The following SGCG variants were observed in gnomAD, a reference collection of about 807,000 sequenced individuals.
SGCG encodes sarcoglycan gamma, also known as gamma-sarcoglycan.
Under a neutral mutation model 29.3 loss-of-function variants are expected in SGCG, and 26 were observed. The observed-to-expected ratio is 0.89, with a 90% CI of 0.65 to 1.23. The LOEUF (loss-of-function observed/expected upper bound fraction) is 1.23, where lower values mean the gene tolerates loss of function less well. Ranked by LOEUF, SGCG falls within the 50% of genes most tolerant of loss-of-function variation. The probability of loss-of-function intolerance (pLI) is 0.00; values close to 1 mark genes in which losing one functional copy is unlikely to be tolerated. For synonymous variants in SGCG, 145 were observed against 129.7 expected (o/e 1.12, Z -0.80); for missense variants, 353 against 356.0 (o/e 0.99, Z 0.07).
In SGCG at chr13:23,279,381, G is replaced by A. The variant is rs1881214921; in HGVS notation, c.408G>A (p.Gln136=). The A allele has an allele frequency of 6.2e-7, 1 of 1,612,970 alleles. No individual in the cohort carries two copies. The highest frequency in any genetic ancestry group is 1.1e-5 in the South Asian group (1 of 91,034). ...CAGGTCCCAAAATGGTAGAAGTCCA[G>A]AATCAACAGTTTCAGATCAACTCCA... The part of the protein sequence containing the change: ...LKVGPKMVEV[Q]NQQFQINSND... Residue 136 remains glutamine (Q), a synonymous_variant, in exon 5 of 8, where the codon CAG becomes CAA. Coordinates refer to ENST00000218867, the MANE Select transcript of SGCG (RefSeq NM_000231.3).
chr13:23,293,848 A>G (rs930083290), intron 5 of SGCG, among the ~76,000 whole-genome samples: 1 of 140,566 alleles, frequency 7.1e-6, no homozygotes, highest in Non-Finnish European at 1.6e-5. Flanking sequence ...AAAAAAAAAA[A>G]TTAGTAAGGG....
intron 2 of SGCG, among the ~76,000 whole-genome samples, chr13:23,224,902 C>T (rs1294770664): frequency 6.6e-6 from 1 of 152,008 alleles, no homozygotes; most frequent in Admixed American, 6.6e-5. Flanking sequence ...TCTTACAGCT[C>T]TCCAGGTGCT....
chr13:23,308,652 C>G (rs539550906), intron 6 of SGCG, among the ~76,000 whole-genome samples: 1 of 152,096 alleles, frequency 6.6e-6, no homozygotes, highest in Admixed American at 6.6e-5. Flanking sequence ...GCAGCCTCCA[C>G]CTCCTGGGTT....
chr13:23,314,937 AAGGCTGCCAGTTTTTAGTG>A (rs1419589694), intron 6 of SGCG, among the ~76,000 whole-genome samples: 2 of 152,134 alleles, frequency 1.3e-5, no homozygotes, highest in Non-Finnish European at 2.9e-5. Context: ...AGTGACCCAA[AAGGCTGCCAGTTTTTAGTG>A]AGGTCCAGAA....
intron 4 of SGCG, among the ~76,000 whole-genome samples, chr13:23,276,715 G>A (rs1593214159): frequency 2.6e-5 from 4 of 152,290 alleles, no homozygotes; most frequent in East Asian, 3.9e-4. Flanking sequence ...GATTACAGGC[G>A]TAAGCCACCG....
intron 4 of SGCG, among the ~76,000 whole-genome samples, chr13:23,254,120 T>A (rs1365998945): frequency 6.6e-6 from 1 of 152,048 alleles, no homozygotes; most frequent in Non-Finnish European, 1.5e-5. Context: ...TACCTGAAGG[T>A]GTGGAAGCAG....
At chr13:23,275,969 C>A (rs898579579) in intron 4 of SGCG, among the ~76,000 whole-genome samples, 3 of 152,092 alleles carry the variant, frequency 2.0e-5, no homozygotes, top group Admixed American at 2.0e-4. Context: ...ATGGTATTTT[C>A]ACCAGAAAAA....
intron 2 of SGCG, among the ~76,000 whole-genome samples, chr13:23,234,127 T>C (rs1879214889): frequency 6.6e-6 from 1 of 152,164 alleles, no homozygotes; most frequent in African/African-American, 2.4e-5. Flanking sequence ...CCTGTTTTGC[T>C]TTTCACTTAA....
At chr13:23,259,843 G>T (rs914545497) in intron 4 of SGCG, among the ~76,000 whole-genome samples, 1 of 152,134 alleles carries the variant, frequency 6.6e-6, no homozygotes, top group African/African-American at 2.4e-5. Context: ...TTTCCATGTA[G>T]TTGAGCAGTT....
In SGCG at chr13:23,299,474, G is replaced by T. The variant is rs1364333449; in HGVS notation, c.578+3987G>T. Among the ~76,000 whole-genome samples, 28 of 14,464 alleles carry T rather than the reference G, an allele frequency of 1.9e-3. 1 individual carries two copies. Among genetic ancestry groups the T allele is most frequent in the Non-Finnish European group, 3.4e-3 (17 of 5,018 alleles). The allele number at this position is 14,464 out of a possible 152,430, so 9.5% of individuals were successfully genotyped here. Reference sequence around the variant, plus strand: ...TATATATATTTTTTTTTTTTTTTTAGTCGGAGTCTCACTCTGTCCCCAGGC... The same window carrying T: ...TATATATATTTTTTTTTTTTTTTTATTCGGAGTCTCACTCTGTCCCCAGGC... On this transcript the variant is annotated intron_variant, in intron 6 of 7. Transcript: ENST00000218867.
At chr13:23,269,850 G>T (rs1215546477) in intron 4 of SGCG, among the ~76,000 whole-genome samples, 52 of 134,736 alleles carry the variant, frequency 3.9e-4, no homozygotes, top group Admixed American at 2.4e-3. Flanking sequence ...TTTTTTTTTT[G>T]GTTTGCTTTT....
At chr13:23,181,914 T>G (rs999434709) in intron 1 of SGCG, among the ~76,000 whole-genome samples, 1 of 152,260 alleles carries the variant, frequency 6.6e-6, no homozygotes, top group African/African-American at 2.4e-5. Context: ...TTGCTTATTT[T>G]CTTGCAAACA....
At chr13:23,205,541 G>T (rs1877952102) in intron 2 of SGCG, among the ~76,000 whole-genome samples, 1 of 152,144 alleles carries the variant, frequency 6.6e-6, no homozygotes, top group African/African-American at 2.4e-5. Context: ...CATTATTTAT[G>T]AAATATGGGT....
chr13:23,224,868 G>A lies in SGCG; in HGVS notation c.196-9743G>A, dbSNP rs187433855. 1.6e-4 allele frequency among the ~76,000 whole-genome samples: 25 copies of A among 152,076 alleles called. No individual in the cohort carries two copies. The East Asian group carries it at 2.9e-3, about 18-fold the overall frequency. ...ATAGAGTAATTTCATCTCAACCTCC[G>A]AGAGTAGGGCCCAGGTGTCTGATTC... is the stretch of plus-strand genomic sequence containing the variant. On this transcript the variant is annotated intron_variant, in intron 2 of 7. Transcript: ENST00000218867.
At chr13:23,305,476 T>G (rs886315920) in intron 6 of SGCG, among the ~76,000 whole-genome samples, 1 of 152,238 alleles carries the variant, frequency 6.6e-6, no homozygotes, top group Non-Finnish European at 1.5e-5. Flanking sequence ...CAAATAGGTA[T>G]AGTTTTACAC....
intron 6 of SGCG, among the ~76,000 whole-genome samples, chr13:23,315,140 G>GAA (rs1479857275): frequency 1.1e-4 from 17 of 152,148 alleles, no homozygotes; most frequent in African/African-American, 3.9e-4. Flanking sequence ...TAGGATTTTG[G>GAA]AGCAAGGCCC....
chr13:23,245,363 T>G (rs1163916117), intron 3 of SGCG: 1 of 151,942 alleles, frequency 6.6e-6, no homozygotes, highest in Non-Finnish European at 1.5e-5. Context: ...ACAGGTAGGG[T>G]AGACCTAAAG....
chr13:23,280,273 A>C (rs1881259736), intron 5 of SGCG, among the ~76,000 whole-genome samples: 1 of 152,208 alleles, frequency 6.6e-6, no homozygotes, highest in Admixed American at 6.5e-5. Context: ...ACATATTCTA[A>C]ATTCACTTGC....
At chr13:23,295,315 A>G (rs927106255) in intron 5 of SGCG, 100 bp from the exon 6 acceptor site, 2 of 1,036,158 alleles carry the variant, frequency 1.9e-6, no homozygotes, top group African/African-American at 1.6e-5. Flanking sequence ...GCAAGAAAGA[A>G]CAAAATCCAT....
Sources: gnomAD v4.1 joint callset for allele counts (sites outside exome capture counted in the v4.1 genomes callset) on GRCh38, gnomAD v4.1.1 for gene constraint, MANE v1.5 for transcripts, NCBI Gene and HGNC (gene_info 2026-07-23, HGNC 2026-07-21) for gene names.